The following NSD2 variants were observed in gnomAD, a reference collection of about 807,000 sequenced individuals.
NSD2 encodes the protein nuclear receptor binding SET domain protein 2.
NSD2 carries 12 observed loss-of-function variants against 139.0 expected under a neutral mutation model. The ratio of observed to expected loss-of-function variants is 0.09; its 90% confidence interval spans 0.06 to 0.14. NSD2 has a LOEUF of 0.14. Ranked by LOEUF, NSD2 falls within the 10% of genes least tolerant of loss-of-function variation. The probability of loss-of-function intolerance (pLI) is 1.00; values close to 1 mark genes in which losing one functional copy is unlikely to be tolerated. For missense variants in NSD2, 1,155 were observed against 1,745.0 expected, an observed-to-expected ratio of 0.66 and a Z score of 6.02; for synonymous variants, 669 against 648.7, an observed-to-expected ratio of 1.03 and a Z score of -0.48.
At chr4:1,894,584 A>G (rs1281578295) in intron 1 of NSD2, among the ~76,000 whole-genome samples, 1 of 150,638 alleles carries the variant, frequency 6.6e-6, no homozygotes, top group Non-Finnish European at 1.5e-5. Flanking sequence ...AGGTGGGAGG[A>G]TTGCTTGGGC....
At chr4:1,978,139 A>C (rs927135076) in intron 21 of NSD2, among the ~76,000 whole-genome samples, 4 of 152,216 alleles carry the variant, frequency 2.6e-5, no homozygotes, top group Admixed American at 1.3e-4. Flanking sequence ...AAAAAAAAGA[A>C]TTCAGATATT....
rs752377919 is a variant in NSD2 at position 1,872,564 on chromosome 4, T to TTGTGTG, written c.-30+1045_-30+1050dup. Reference sequence around the variant, plus strand: ...CGTTTTTAGGTAGATAACGTGTATTTTGTGTGTGTGTGTGTGTGTGTGTGT... The same window carrying TTGTGTG: ...CGTTTTTAGGTAGATAACGTGTATTTTGTGTGTGTGTGTGTGTGTGTGTGTGTGTGT... On this transcript the variant is annotated intron_variant, in intron 1 of 21. Transcript: ENST00000508803. Among the ~76,000 whole-genome samples, 140 of 101,108 alleles carry TTGTGTG rather than the reference T, an allele frequency of 1.4e-3. 2 individuals carry two copies. The highest frequency in any genetic ancestry group is 5.7e-3 in the East Asian group (16 of 2,790). 66.3% of individuals were successfully genotyped at this position (101,108 alleles called of 152,430 possible).
Position 1,980,461 on chromosome 4 carries a change from A to T in NSD2, c.*1552A>T, listed in dbSNP as rs922756752. 8.6e-6 allele frequency: 2 copies of T among 233,082 alleles called. No homozygotes were observed. The highest frequency in any genetic ancestry group is 4.4e-5 in the African/African-American group (2 of 45,326). 14.4% of individuals were successfully genotyped at this position (233,082 alleles called of 1,614,324 possible). A position where few individuals can be genotyped will look rare whatever the true frequency, so the allele number is the denominator to read the frequency against. On this transcript the variant is annotated 3_prime_UTR_variant, in exon 22 of 22. Coordinates refer to ENST00000508803, the MANE Select transcript of NSD2 (RefSeq NM_001042424.3). ...GGGGGACACATCCATCTTGCAGAGAAGTTTACAGAACTCCCCTTGAAAACT... is the reference window on the plus strand; with the variant it reads ...GGGGGACACATCCATCTTGCAGAGATGTTTACAGAACTCCCCTTGAAAACT...
chr4:1,873,250 T>C (rs1185170706), intron 1 of NSD2, among the ~76,000 whole-genome samples: 1 of 152,224 alleles, frequency 6.6e-6, no homozygotes, highest in Non-Finnish European at 1.5e-5. Context: ...AAAATTGTCC[T>C]CTCCTGACTG....
intron 1 of NSD2, among the ~76,000 whole-genome samples, chr4:1,880,712 T>C (rs899662873): frequency 1.5e-4 from 23 of 152,006 alleles, no homozygotes; most frequent in African/African-American, 5.6e-4. Flanking sequence ...AGAGTTGCCA[T>C]TGGCAACACT....
intron 3 of NSD2, among the ~76,000 whole-genome samples, chr4:1,911,079 C>A (rs993969078): frequency 6.6e-6 from 1 of 152,048 alleles, no homozygotes. Flanking sequence ...TTAACAGGCT[C>A]CACAAAATCT....
intron 1 of NSD2, among the ~76,000 whole-genome samples, chr4:1,877,211 T>A (rs1159987513): frequency 2.6e-5 from 4 of 152,216 alleles, no homozygotes; most frequent in Admixed American, 6.5e-5. Context: ...TTGATGGTTT[T>A]CATATATTTT....
intron 2 of NSD2, among the ~76,000 whole-genome samples, chr4:1,903,649 A>G (rs1717486465): frequency 6.6e-6 from 1 of 152,020 alleles, no homozygotes; most frequent in Non-Finnish European, 1.5e-5. Flanking sequence ...AAGGAAATAG[A>G]TTTATATAGA....
intron 3 of NSD2, among the ~76,000 whole-genome samples, chr4:1,907,210 C>T (rs959071152): frequency 3.9e-5 from 6 of 152,098 alleles, no homozygotes; most frequent in Non-Finnish European, 5.9e-5. Context: ...CAGTGACCAC[C>T]GGATGCTCGT....
At chr4:1,905,433 A>G (rs915048336) in intron 3 of NSD2, among the ~76,000 whole-genome samples, 12 of 152,206 alleles carry the variant, frequency 7.9e-5, no homozygotes, top group African/African-American at 2.9e-4. Flanking sequence ...TCAGCCTCTT[A>G]TGGCCCCTTG....
intron 6 of NSD2, among the ~76,000 whole-genome samples, chr4:1,932,415 G>A (rs1026116927): frequency 1.4e-5 from 2 of 144,734 alleles, no homozygotes; most frequent in Non-Finnish European, 3.0e-5. Context: ...CTCCAGCCTT[G>A]GCGCCAGAGC....
chr4:1,938,621 G>A, intron 8 of NSD2, 89 bp downstream of exon 8: 2 of 1,163,724 alleles, frequency 1.7e-6, no homozygotes, highest in Admixed American at 2.0e-5. Flanking sequence ...GGGGAAGGCT[G>A]GGGCTGGTGA....
intron 1 of NSD2, chr4:1,899,303 A>T (rs1363092946): frequency 6.6e-6 from 1 of 152,158 alleles, no homozygotes; most frequent in African/African-American, 2.4e-5. Context: ...CCACCTCAGT[A>T]CTGTGGACAT....
chr4:1,909,085 T>C (rs757226225), intron 3 of NSD2, among the ~76,000 whole-genome samples: 3 of 152,098 alleles, frequency 2.0e-5, no homozygotes, highest in African/African-American at 4.8e-5. Flanking sequence ...AAAAGAGTTA[T>C]ATATTTTAGT....
chr4:1,951,947 T>C, intron 10 of NSD2, 161 bp from the exon 11 acceptor site: 1 of 1,136,952 alleles, frequency 8.8e-7, no homozygotes, highest in African/African-American at 1.6e-5. Flanking sequence ...ATTTGTACGT[T>C]CTGTTTGGGC....
chr4:1,948,216 G>C lies in NSD2; in HGVS notation c.1882-2856G>C. On this transcript the variant is annotated intron_variant, in intron 9 of 21. Coordinates refer to ENST00000508803, the MANE Select transcript of NSD2 (RefSeq NM_001042424.3). This position sits in a 1 kb window ranked among gnomAD's most constrained non-coding sequence, Gnocchi z 4.5. ...TCAGTGCCGCAGCATGGCTGTGGTG[G>C]ACGCGGGAAACAACGGGAAAGTTCT... is the stretch of plus-strand genomic sequence containing the variant. 9.4e-7 allele frequency: 1 copy of C among 1,064,460 alleles called. No homozygotes were observed. Among genetic ancestry groups the C allele is most frequent in the Non-Finnish European group, 1.1e-6 (1 of 878,474 alleles). 65.9% of individuals were successfully genotyped at this position (1,064,460 alleles called of 1,614,324 possible). A position where few individuals can be genotyped will look rare whatever the true frequency, so the allele number is the denominator to read the frequency against.
chr4:1,930,829 C>A, intron 6 of NSD2, 59 bp downstream of exon 6: 2 of 1,537,250 alleles, frequency 1.3e-6, no homozygotes, highest in South Asian at 1.3e-5. Flanking sequence ...GTGTAGCAAG[C>A]TGAGCTCTGA....
At position 1,935,254 on chromosome 4, in the gene NSD2, C is replaced by T. The variant is rs950240383; in HGVS notation, c.1666C>T (p.Leu556Phe). 1 of 1,611,892 alleles carries T rather than the reference C, an allele frequency of 6.2e-7. No individual in the cohort carries two copies. The highest frequency in any genetic ancestry group is 8.5e-7 in the Non-Finnish European group (1 of 1,178,728). The change falls in exon 7 of 22, where the codon CTT (leucine) becomes TTT (phenylalanine). Residue 556 changes from leucine (L) to phenylalanine (F), a missense_variant. By Grantham distance (22) the Leu-to-Phe change is conservative. This residue lies in a region of NSD2 where 420 missense variants were observed against 469.0 expected (regional missense o/e 0.90). Coordinates refer to ENST00000508803, the MANE Select transcript of NSD2 (RefSeq NM_001042424.3). ...RKRLRTDKHS[L>F]RKRDTITDKT... ...AAGACTCAGGACGGACAAGCACAGT[C>T]TTCGGAAGGTAATTGTGTTCCAGGT...
At position 1,974,523 on chromosome 4, in the gene NSD2, C is replaced by G. The variant is rs1318678543; in HGVS notation, c.3373-340C>G. On this transcript the variant is annotated intron_variant, in intron 18 of 21. Transcript: ENST00000508803. The surrounding 1 kb of genome is among the most constrained non-coding windows in gnomAD (Gnocchi z 4.0). ...GCCACTGCGCCCAGCCAGGGTGAGT[C>G]TTGTTCTTGTCCTTGAGTGCCACTT... is the stretch of plus-strand genomic sequence containing the variant. The G allele has an allele frequency of 4.6e-6, 2 of 432,068 alleles. No homozygotes were observed. The highest frequency in any genetic ancestry group is 9.0e-6 in the Non-Finnish European group (2 of 222,488). The allele number at this position is 432,068 out of a possible 1,614,324, so 26.8% of individuals were successfully genotyped here.
Sources: allele counts gnomAD v4.1 joint callset (sites outside exome capture counted in the v4.1 genomes callset), GRCh38; gene constraint gnomAD v4.1.1; regional missense constraint gnomAD v4.1.1; non-coding constraint Gnocchi (gnomAD v3.1); transcripts MANE v1.5; gene names NCBI Gene and HGNC (gene_info 2026-07-23, HGNC 2026-07-21).